SPATS2: variants seen among roughly 807,000 people sequenced by gnomAD.
The protein encoded by SPATS2 is spermatogenesis associated serine rich 2.
SPATS2 carries 38 observed loss-of-function variants against 63.7 expected under a neutral mutation model. That is an observed-to-expected ratio of 0.60 (90% CI 0.46 to 0.78). The LOEUF is 0.78. SPATS2 is among the 30% of genes least tolerant of loss of function. The pLI is 0.00. For synonymous variants in SPATS2, 207 were observed against 232.9 expected (o/e 0.89, Z 1.01); for missense variants, 588 against 666.2 (o/e 0.88, Z 1.29).
At chr12:49,523,519 T>C (rs61227990) in intron 12 of SPATS2, among the ~76,000 whole-genome samples, 2,141 of 151,818 alleles carry the variant, frequency 0.014, 48 homozygotes, top group African/African-American at 0.047. Flanking sequence ...TAGGAGAAAA[T>C]AATACTTGTC....
At chr12:49,493,645 C>T (rs1471785316) in intron 6 of SPATS2, among the ~76,000 whole-genome samples, 1 of 152,134 alleles carries the variant, frequency 6.6e-6, no homozygotes, top group East Asian at 1.9e-4. Context: ...TCAGGTGATC[C>T]ACCTACCTTG....
intron 2 of SPATS2, among the ~76,000 whole-genome samples, chr12:49,433,531 C>T (rs559244453): frequency 6.6e-6 from 1 of 152,312 alleles, no homozygotes; most frequent in African/African-American, 2.4e-5. Context: ...TTGCATTTCT[C>T]TAATAATGAG....
At chr12:49,429,749 C>T (rs987607263) in intron 2 of SPATS2, among the ~76,000 whole-genome samples, 1 of 150,398 alleles carries the variant, frequency 6.6e-6, no homozygotes, top group Non-Finnish European at 1.5e-5. Flanking sequence ...AGCCACTGTG[C>T]CTGGCCTAGA....
intron 2 of SPATS2, among the ~76,000 whole-genome samples, chr12:49,400,682 G>A (rs1045519099): frequency 1.3e-4 from 20 of 152,124 alleles, no homozygotes. Flanking sequence ...GCAACTAGGA[G>A]TAAGCATGGA....
At chr12:49,424,121 T>G (rs983422844) in intron 2 of SPATS2, among the ~76,000 whole-genome samples, 1 of 152,158 alleles carries the variant, frequency 6.6e-6, no homozygotes, top group Non-Finnish European at 1.5e-5. Flanking sequence ...GAGAATCACT[T>G]GAACCCGAGA....
intron 10 of SPATS2, among the ~76,000 whole-genome samples, chr12:49,515,261 G>A (rs1049380557): frequency 7.2e-5 from 11 of 152,214 alleles, no homozygotes; most frequent in African/African-American, 1.2e-4. Context: ...AACATACACA[G>A]CTACACGAAG....
chr12:49,426,818 C>A (rs1161405807), intron 2 of SPATS2, among the ~76,000 whole-genome samples: 1 of 152,192 alleles, frequency 6.6e-6, no homozygotes, highest in Non-Finnish European at 1.5e-5. Flanking sequence ...GCTGGGATTA[C>A]AGGCGTGAGC....
intron 2 of SPATS2, among the ~76,000 whole-genome samples, chr12:49,444,102 GTC>G (rs1441470652): frequency 6.6e-6 from 1 of 152,014 alleles, no homozygotes; most frequent in Admixed American, 6.6e-5. Flanking sequence ...TATGGAATGT[GTC>G]TCTATTCATT....
In SPATS2 at chr12:49,496,882, T is replaced by C. The variant is rs751150371; in HGVS notation, c.576T>C (p.Thr192=). The change falls in exon 8 of 14, where the codon ACT becomes ACC. Residue 192 remains threonine, a synonymous_variant. Coordinates refer to ENST00000552918, the MANE Select transcript of SPATS2 (RefSeq NM_023071.4). ...CTGATTTTGAGACCAAGTCTTTGAC[T>C]ATGCACTCTATTCACAATTCTCAAC... is the stretch of plus-strand genomic sequence containing the variant. ...GVSDFETKSL[T]MHSIHNSQQP... The C allele has an allele frequency of 2.5e-6, 4 of 1,614,144 alleles. No homozygotes were observed. Among genetic ancestry groups the C allele is most frequent in the Admixed American group, 3.3e-5 (2 of 60,026 alleles).
chr12:49,449,977 A>C (rs1490867586), intron 2 of SPATS2, among the ~76,000 whole-genome samples: 1 of 152,100 alleles, frequency 6.6e-6, no homozygotes, highest in Non-Finnish European at 1.5e-5. Context: ...TTTAGGTCTT[A>C]TTGTTTGGTG....
intron 2 of SPATS2, among the ~76,000 whole-genome samples, chr12:49,415,902 C>T (rs995247749): frequency 6.6e-6 from 1 of 152,130 alleles, no homozygotes; most frequent in African/African-American, 2.4e-5. Context: ...TAAGTCTTTA[C>T]GACAGCCTCC....
intron 2 of SPATS2, among the ~76,000 whole-genome samples, chr12:49,412,360 A>G (rs887550023): frequency 1.3e-5 from 2 of 151,672 alleles, no homozygotes; most frequent in African/African-American, 4.8e-5. Flanking sequence ...ATGCCCAGCT[A>G]ATTTTTGTGT....
At chr12:49,389,295 G>A (rs995046811) in intron 2 of SPATS2, among the ~76,000 whole-genome samples, 1 of 152,202 alleles carries the variant, frequency 6.6e-6, no homozygotes, top group Non-Finnish European at 1.5e-5. Context: ...GAGGCGGTTA[G>A]CAGAGGTGTC....
intron 2 of SPATS2, among the ~76,000 whole-genome samples, chr12:49,409,882 C>A (rs1337234524): frequency 6.6e-6 from 1 of 151,974 alleles, no homozygotes; most frequent in Non-Finnish European, 1.5e-5. Context: ...GGATTACAGG[C>A]ATGACCCACC....
At chr12:49,417,523 T>G (rs1944908718) in intron 2 of SPATS2, among the ~76,000 whole-genome samples, 1 of 152,242 alleles carries the variant, frequency 6.6e-6, no homozygotes, top group African/African-American at 2.4e-5. Flanking sequence ...TTGCTCACCT[T>G]ATGTGGTGAT....
At chr12:49,418,113 T>G (rs1225229372) in intron 2 of SPATS2, among the ~76,000 whole-genome samples, 1 of 138,766 alleles carries the variant, frequency 7.2e-6, no homozygotes, top group Non-Finnish European at 1.5e-5. Flanking sequence ...ACTCAGTTTT[T>G]TTTTTTTTTT....
chr12:49,376,434 T>A (rs1944104636), intron 2 of SPATS2, among the ~76,000 whole-genome samples: 1 of 151,850 alleles, frequency 6.6e-6, no homozygotes, highest in African/African-American at 2.4e-5. Flanking sequence ...TCTTGCTTCG[T>A]CGCTCAAGTT....
intron 2 of SPATS2, among the ~76,000 whole-genome samples, chr12:49,447,654 T>G (rs566061655): frequency 6.6e-6 from 1 of 152,348 alleles, no homozygotes; most frequent in South Asian, 2.1e-4. Flanking sequence ...GATTTTAGAT[T>G]ATTAATTCAA....
Position 49,397,710 on chromosome 12 carries a change from G to A in SPATS2, c.-244+26420G>A, listed in dbSNP as rs1592358469. ...CTGGATATGGTAGTGCATGCCTGTA[G>A]TGTTAACTACGTGGAAGGCTGAGGT... On this transcript the variant is annotated intron_variant, in intron 2 of 13. Coordinates refer to ENST00000552918, the MANE Select transcript of SPATS2 (RefSeq NM_023071.4). Among the ~76,000 whole-genome samples, 3 of 151,916 alleles carry A rather than the reference G, an allele frequency of 2.0e-5. No individual in the cohort carries two copies. The South Asian group carries it at 6.2e-4, about 32-fold the overall frequency.
Sources: gnomAD v4.1 joint callset for allele counts (sites outside exome capture counted in the v4.1 genomes callset) on GRCh38, gnomAD v4.1.1 for gene constraint, MANE v1.5 for transcripts, NCBI Gene and HGNC (gene_info 2026-07-23, HGNC 2026-07-21) for gene names.